APBB1: variants seen among roughly 807,000 people sequenced by gnomAD.
APBB1 encodes adaptor protein FE65a2.
A neutral mutation model predicts 78.4 loss-of-function variants in APBB1; 22 were observed. The ratio of observed to expected loss-of-function variants is 0.28; its 90% confidence interval spans 0.20 to 0.40. The LOEUF (loss-of-function observed/expected upper bound fraction) is 0.40, where lower values mean the gene tolerates loss of function less well. Ranked by LOEUF, APBB1 falls within the 10% of genes least tolerant of loss-of-function variation. The pLI is 1.00. For missense variants in APBB1, 749 were observed against 932.4 expected (o/e 0.80, Z 2.56); for synonymous variants, 369 against 372.7 (o/e 0.99, Z 0.12).
chr11:6,414,700 G>A (rs1849077587), intron 1 of APBB1, among the ~76,000 whole-genome samples: 1 of 152,188 alleles, frequency 6.6e-6, no homozygotes, highest in Non-Finnish European at 1.5e-5. Flanking sequence ...CTGAGATCTA[G>A]GAAAAGGGAG....
At chr11:6,406,514 T>C (rs1401356009) in intron 2 of APBB1, among the ~76,000 whole-genome samples, 1 of 152,204 alleles carries the variant, frequency 6.6e-6, no homozygotes, top group African/African-American at 2.4e-5. Flanking sequence ...GATGCTAAAC[T>C]AATCAAGTAA....
chr11:6,405,208 G>A (rs1848750387), intron 2 of APBB1: 3 of 1,090,040 alleles, frequency 2.8e-6, no homozygotes, highest in Non-Finnish European at 2.2e-6. Context: ...GCTGCCTGGG[G>A]CCCTGCAGAG....
chr11:6,405,625 T>C (rs1590782375), intron 2 of APBB1: 2 of 985,794 alleles, frequency 2.0e-6, no homozygotes, highest in African/African-American at 3.5e-5. Flanking sequence ...ACGAGAGTTA[T>C]TCAGGCAGGG....
At position 6,405,691 on chromosome 11, in the gene APBB1, G is replaced by A. The variant is rs1036299577; in HGVS notation, c.722-1869C>T. 4 of 985,630 alleles carry A rather than the reference G, an allele frequency of 4.1e-6. No homozygotes were observed. In the African/African-American group the frequency reaches 5.2e-5, roughly 13 times the overall value. 61.1% of individuals were successfully genotyped at this position (985,630 alleles called of 1,614,324 possible). ...TGGGCCCACAGACACCCAAAGAGGA[G>A]GGGCTCTTGCCCATCCACCTTCTAG... On this transcript the variant is annotated intron_variant, in intron 2 of 14. Coordinates refer to ENST00000609360, the MANE Select transcript of APBB1 (RefSeq NM_001164.5).
At chr11:6,410,302 T>C (rs554162099) in intron 2 of APBB1, among the ~76,000 whole-genome samples, 1 of 152,310 alleles carries the variant, frequency 6.6e-6, no homozygotes, top group Non-Finnish European at 1.5e-5. Context: ...ATCATCATAA[T>C]ATTTACCTCA....
chr11:6,417,919 T>G (rs1187032513), intron 1 of APBB1, among the ~76,000 whole-genome samples: 6 of 152,216 alleles, frequency 3.9e-5, no homozygotes, highest in Non-Finnish European at 7.3e-5. Flanking sequence ...GGAACTCCTG[T>G]TTGTCTTTCA....
rs985343851 is a variant in APBB1 at position 6,401,328 on chromosome 11, G to A, written c.1588+17C>T. On this transcript the variant is annotated intron_variant, in intron 11 of 14. Coordinates refer to ENST00000609360, the MANE Select transcript of APBB1 (RefSeq NM_001164.5). This position sits in a 1 kb window ranked among gnomAD's most constrained non-coding sequence, Gnocchi z 4.5. The stretch of plus-strand genomic sequence containing the variant: ...CCAACAAAGCTGAGCTGGACCTGGA[G>A]GGGTTTTGACACTGACCTTGGAAAG... The A allele has an allele frequency of 4.3e-6, 7 of 1,614,040 alleles. No individual in the cohort carries two copies. The African/African-American group carries it at 6.7e-5, about 15-fold the overall frequency.
In APBB1 at chr11:6,401,394, T is replaced by C; in HGVS notation, c.1539A>G (p.Val513=). 6.2e-7 allele frequency: 1 copy of C among 1,614,092 alleles called. No individual in the cohort carries two copies. Residue 513 remains valine, a synonymous_variant, in exon 11 of 15, where the codon GTA becomes GTG. Transcript: ENST00000609360. This position sits in a 1 kb window ranked among gnomAD's most constrained non-coding sequence, Gnocchi z 4.5. ...MAERRNARCL[V]NGLSLDHSKL... ...TAGAGTGGTCCAGGGAGAGTCCATT[T>C]ACCAAGCAGCGGGCATTACGCCGTT...
chr11:6,411,304 T>C lies in APBB1; in HGVS notation c.44A>G (p.Asn15Ser), dbSNP rs1303250687. 2.6e-6 allele frequency: 4 copies of C among 1,560,424 alleles called. No homozygotes were observed. Among genetic ancestry groups the C allele is most frequent in the East Asian group, 2.3e-5 (1 of 44,398 alleles). The change falls in exon 2 of 15, where the codon AAC becomes AGC. Residue 15 changes from asparagine (N) to serine (S), a missense_variant. Transcript: ENST00000609360. The surrounding 1 kb of genome is among the most constrained non-coding windows in gnomAD (Gnocchi z 5.2). The stretch of plus-strand genomic sequence containing the variant: ...GCTCAGTGCGGGGCCTCCGTGGCTG[T>C]TGGCATTAATGGCCGACTGGCTCAG... ...SSLSQSAINA[N>S]SHGGPALSLP...
chr11:6,408,251 A>G (rs1274479315), intron 2 of APBB1, among the ~76,000 whole-genome samples: 1 of 152,230 alleles, frequency 6.6e-6, no homozygotes, highest in Non-Finnish European at 1.5e-5. Flanking sequence ...AATCCAAACC[A>G]TAGAAAACTC....
chr11:6,398,222 C>CTT (rs368754901), intron 12 of APBB1, among the ~76,000 whole-genome samples: 18 of 148,890 alleles, frequency 1.2e-4, no homozygotes, highest in African/African-American at 4.4e-4. Flanking sequence ...CTTTTCTCTT[C>CTT]TTTTTTTTTT....
In APBB1 at chr11:6,410,861, C is replaced by T. The variant is rs370763825; in HGVS notation, c.487G>A (p.Asp163Asn). 25 of 1,552,780 alleles carry T rather than the reference C, an allele frequency of 1.6e-5. No individual in the cohort carries two copies. In the African/African-American group the frequency reaches 3.3e-4, roughly 20 times the overall value. ...TCCTCCTCCTCTTCATCATCATCATCCTCCTCCTCCTCCTCGGCCTCCCCG... is the reference window on the plus strand; with the variant it reads ...TCCTCCTCCTCTTCATCATCATCATTCTCCTCCTCCTCCTCGGCCTCCCCG... ...AAGEAEEEEE[D>N]DDDEEEEEDL... Residue 163 changes from aspartate (D) to asparagine (N), a missense_variant, in exon 2 of 15, where the codon GAT (aspartate) becomes AAT (asparagine). Asp to Asn is a conservative substitution (Grantham distance 23, BLOSUM62 1). Coordinates refer to ENST00000609360, the MANE Select transcript of APBB1 (RefSeq NM_001164.5).
At position 6,395,462 on chromosome 11, in the gene APBB1, C is replaced by T; in HGVS notation, c.*72G>A. 1 of 1,454,772 alleles carries T rather than the reference C, an allele frequency of 6.9e-7. No homozygotes were observed. Among genetic ancestry groups the T allele is most frequent in the Non-Finnish European group, 9.1e-7 (1 of 1,098,470 alleles). 90.1% of individuals were successfully genotyped at this position (1,454,772 alleles called of 1,614,324 possible). A position where few individuals can be genotyped will look rare whatever the true frequency, so the allele number is the denominator to read the frequency against. On this transcript the variant is annotated 3_prime_UTR_variant, in exon 15 of 15. Transcript: ENST00000609360. This position sits in a 1 kb window ranked among gnomAD's most constrained non-coding sequence, Gnocchi z 5.2. ...CTGAGGCCTAGGAATAGCCTCTAGA[C>T]CCCTCCCTGACCCACACCCTTTAGT...
Position 6,411,242 on chromosome 11 carries a change from G to A in APBB1, c.106C>T (p.Leu36Phe). ...LPLHAAHNQL[L>F]NAKLQATAVG... ...GCTGTGGCCTGCAGCTTGGCGTTGA[G>A]CAGCTGGTTGTGGGCAGCGTGCAGA... Residue 36 changes from leucine (L) to phenylalanine (F), a missense_variant, in exon 2 of 15, where the codon CTC becomes TTC. Coordinates refer to ENST00000609360, the MANE Select transcript of APBB1 (RefSeq NM_001164.5). The surrounding 1 kb of genome is among the most constrained non-coding windows in gnomAD (Gnocchi z 5.2). 6 of 1,607,268 alleles carry A rather than the reference G, an allele frequency of 3.7e-6. No individual in the cohort carries two copies. Among genetic ancestry groups the A allele is most frequent in the Non-Finnish European group, 5.1e-6 (6 of 1,177,680 alleles).
Position 6,410,685 on chromosome 11 carries a change from G to A in APBB1, c.663C>T (p.Asp221=). The A allele has an allele frequency of 2.0e-6, 3 of 1,525,468 alleles. No homozygotes were observed. The highest frequency in any genetic ancestry group is 2.6e-6 in the Non-Finnish European group (3 of 1,137,078). The allele number at this position is 1,525,468 out of a possible 1,614,324, so 94.5% of individuals were successfully genotyped here. The change falls in exon 2 of 15, where the codon GAC becomes GAT. Residue 221 remains aspartate (D), a synonymous_variant. Transcript: ENST00000609360. ...CCTGGGATAAGGTAGCCCAGCTTGA[G>A]TCCTCATCACTGGCTGCACTGTTCC... ...GMRNSAASDE[D]SSWATLSQGS... is the part of the protein sequence containing the mutation.
Position 6,401,336 on chromosome 11 carries a change from G to T in APBB1, c.1588+9C>A, listed in dbSNP as rs1297827655. ...GCTGAGCTGGACCTGGAGGGGTTTTGACACTGACCTTGGAAAGGGACATCC... is the reference window on the plus strand; with the variant it reads ...GCTGAGCTGGACCTGGAGGGGTTTTTACACTGACCTTGGAAAGGGACATCC... On this transcript the variant is annotated intron_variant, in intron 11 of 14. Coordinates refer to ENST00000609360, the MANE Select transcript of APBB1 (RefSeq NM_001164.5). This position sits in a 1 kb window ranked among gnomAD's most constrained non-coding sequence, Gnocchi z 4.5. 3 of 1,614,140 alleles carry T rather than the reference G, an allele frequency of 1.9e-6. No individual in the cohort carries two copies. Among genetic ancestry groups the T allele is most frequent in the South Asian group, 2.2e-5 (2 of 91,070 alleles).
chr11:6,397,178 G>C lies in APBB1; in HGVS notation c.1673-963C>G, dbSNP rs1848276054. On this transcript the variant is annotated intron_variant, in intron 12 of 14. Coordinates refer to ENST00000609360, the MANE Select transcript of APBB1 (RefSeq NM_001164.5). Reference sequence around the variant, plus strand: ...GTCTCTGCACAATGCCAGTGCAAAAGGCACATGCCTCTGTGGTCCACTCCC... The same window carrying C: ...GTCTCTGCACAATGCCAGTGCAAAACGCACATGCCTCTGTGGTCCACTCCC... 1.3e-5 allele frequency among the ~76,000 whole-genome samples: 2 copies of C among 152,230 alleles called. 1 individual carries two copies. Among genetic ancestry groups the C allele is most frequent in the South Asian group, 4.1e-4 (2 of 4,836 alleles).
chr11:6,406,542 CTTAA>C (rs1488636122), intron 2 of APBB1, among the ~76,000 whole-genome samples: 2 of 152,196 alleles, frequency 1.3e-5, no homozygotes, highest in Non-Finnish European at 2.9e-5. Context: ...ACGGAATCCT[CTTAA>C]TTGTTTTGTC....
At position 6,407,972 on chromosome 11, in the gene APBB1, G is replaced by T. The variant is rs370232047; in HGVS notation, c.721+2655C>A. Among the ~76,000 whole-genome samples, 17 of 151,782 alleles carry T rather than the reference G, an allele frequency of 1.1e-4. No homozygotes were observed. The South Asian group carries it at 1.5e-3, about 13-fold the overall frequency. ...TTTTTTGTATTTTTAGTAGAGACGG[G>T]GTTTCACCTTGTTAGCCAGTATGGT... On this transcript the variant is annotated intron_variant, in intron 2 of 14. Coordinates refer to ENST00000609360, the MANE Select transcript of APBB1 (RefSeq NM_001164.5).
Sources: gnomAD v4.1 joint callset for allele counts (sites outside exome capture counted in the v4.1 genomes callset) on GRCh38, gnomAD v4.1.1 for gene constraint, Gnocchi (gnomAD v3.1) non-coding constraint, MANE v1.5 for transcripts, NCBI Gene and HGNC (gene_info 2026-07-23, HGNC 2026-07-21) for gene names.